Variants in MAML2 observed in about 807,000 individuals in gnomAD.
The protein encoded by MAML2 is mastermind-like protein 2.
MAML2 carries 22 observed loss-of-function variants against 96.1 expected under a neutral mutation model. That is an observed-to-expected ratio of 0.23 (90% confidence interval 0.16 to 0.33). MAML2 has a LOEUF of 0.33. MAML2 is among the 10% of genes least tolerant of loss of function. The probability of loss-of-function intolerance (pLI) is 1.00; values close to 1 mark genes in which losing one functional copy is unlikely to be tolerated. For missense variants in MAML2, 1,367 were observed against 1,392.4 expected (o/e 0.98, Z 0.29); for synonymous variants, 561 against 521.3 (o/e 1.08, Z -1.04).
intron 1 of MAML2, among the ~76,000 whole-genome samples, chr11:96,126,852 A>C (rs773398916): frequency 3.6e-4 from 55 of 152,346 alleles, no homozygotes; most frequent in Non-Finnish European, 6.9e-4. Flanking sequence ...GTGGTGAACA[A>C]CACAAAAAAA....
At position 96,341,609 on chromosome 11, in the gene MAML2, G is replaced by A. The variant is rs1476197668; in HGVS notation, c.287C>T (p.Thr96Ile). ...GGCTGTAGTGGTGGCAGCAGTGGCG[G>A]TGGCCTTGGTGTGTTTGCCAGCTTT... ...ARKAGKHTKA[T>I]ATAATTTAPP... The change falls in exon 1 of 5, where the codon ACC becomes ATC. Residue 96 changes from threonine (T) to isoleucine (I), a missense_variant. Coordinates refer to ENST00000524717, the MANE Select transcript of MAML2 (RefSeq NM_032427.4). 1.9e-6 allele frequency: 3 copies of A among 1,551,884 alleles called. No homozygotes were observed. Among genetic ancestry groups the A allele is most frequent in the Middle Eastern group, 1.7e-4 (1 of 5,944 alleles).
chr11:96,113,765 C>T (rs778354630), intron 1 of MAML2, among the ~76,000 whole-genome samples: 4 of 152,136 alleles, frequency 2.6e-5, no homozygotes, highest in Non-Finnish European at 4.4e-5. Flanking sequence ...CATCTCTTAA[C>T]TCCCTAAAGG....
intron 1 of MAML2, among the ~76,000 whole-genome samples, chr11:96,160,581 C>T (rs1252758346): frequency 6.6e-6 from 1 of 152,122 alleles, no homozygotes; most frequent in Non-Finnish European, 1.5e-5. Flanking sequence ...GCGCCTGCCA[C>T]TATGTCCAGC....
chr11:96,268,364 G>A (rs1862861071), intron 1 of MAML2, among the ~76,000 whole-genome samples: 1 of 152,158 alleles, frequency 6.6e-6, no homozygotes. Flanking sequence ...GTGTACTCCT[G>A]TAGTCCTAGC....
chr11:96,102,589 C>G (rs910353994), intron 1 of MAML2, among the ~76,000 whole-genome samples: 15 of 152,080 alleles, frequency 9.9e-5, no homozygotes, highest in African/African-American at 3.6e-4. Flanking sequence ...TGTTGTCCAG[C>G]AACAAGGGGA....
At chr11:96,285,152 C>G (rs897143169) in intron 1 of MAML2, among the ~76,000 whole-genome samples, 1 of 151,490 alleles carries the variant, frequency 6.6e-6, no homozygotes, top group African/African-American at 2.5e-5. Flanking sequence ...TGACATGACT[C>G]TCTTCTCTTA....
intron 1 of MAML2, among the ~76,000 whole-genome samples, chr11:96,306,004 T>C (rs184268167): frequency 6.6e-6 from 1 of 152,256 alleles, no homozygotes; most frequent in Non-Finnish European, 1.5e-5. Context: ...ATAAGAAACA[T>C]ACCTTTCTTC....
intron 1 of MAML2, among the ~76,000 whole-genome samples, chr11:96,121,950 C>CTTTTTTTTTTTTTTTTTTTTTT (rs71040130): frequency 5.3e-5 from 3 of 56,850 alleles, no homozygotes; most frequent in African/African-American, 8.0e-5. Context: ...CCACGCCCGG[C>CTTTTTTTTTTTTTTTTTTTTTT]TTTTTTTTTT....
intron 2 of MAML2, among the ~76,000 whole-genome samples, chr11:96,057,800 A>G (rs1859092440): frequency 6.6e-6 from 1 of 152,258 alleles, no homozygotes; most frequent in African/African-American, 2.4e-5. Context: ...CTTTGGAAAC[A>G]AAATATACCA....
At chr11:96,164,574 T>C (rs1333648878) in intron 1 of MAML2, among the ~76,000 whole-genome samples, 1 of 152,206 alleles carries the variant, frequency 6.6e-6, no homozygotes, top group African/African-American at 2.4e-5. Flanking sequence ...ATCTTCTTTT[T>C]AGAGTGATAC....
In MAML2 at chr11:96,240,557, C is replaced by CAACAAAAA. The variant is rs568304250; in HGVS notation, c.513+100825_513+100826insTTTTTGTT. The stretch of plus-strand genomic sequence containing the variant: ...TGGGCGACAGAGCGAGACTCCGTCT[C>CAACAAAAA]AAAAAAAAAAAAAAAAAAAAAAAAA... On this transcript the variant is annotated intron_variant, in intron 1 of 4. Coordinates refer to ENST00000524717, the MANE Select transcript of MAML2 (RefSeq NM_032427.4). Among the ~76,000 whole-genome samples, 49 of 51,094 alleles carry CAACAAAAA rather than the reference C, an allele frequency of 9.6e-4. 5 individuals are homozygous for CAACAAAAA. The highest frequency in any genetic ancestry group is 1.5e-3 in the Non-Finnish European group (40 of 26,112). The allele number at this position is 51,094 out of a possible 152,430, so 33.5% of individuals were successfully genotyped here.
intron 1 of MAML2, among the ~76,000 whole-genome samples, chr11:96,113,261 C>G (rs905750207): frequency 1.3e-5 from 2 of 151,578 alleles, no homozygotes; most frequent in Non-Finnish European, 2.9e-5. Flanking sequence ...CAAAAGGAAG[C>G]ATATTGTGCC....
rs188777500 is a variant in MAML2 at position 96,087,972 on chromosome 11, G to T, written c.2139+3920C>A. On this transcript the variant is annotated intron_variant, in intron 2 of 4. Coordinates refer to ENST00000524717, the MANE Select transcript of MAML2 (RefSeq NM_032427.4). ...TTAGAGGTATTGTCAGCATATGAAA[G>T]TTACATTGATTTCCCCACTGCCACC... Among the ~76,000 whole-genome samples the T allele has an allele frequency of 1.0e-3, 155 of 152,288 alleles. 1 individual carries two copies. The highest frequency in any genetic ancestry group is 2.7e-3 in the South Asian group (13 of 4,824).
chr11:96,252,198 A>C (rs1033040537), intron 1 of MAML2, among the ~76,000 whole-genome samples: 89 of 150,746 alleles, frequency 5.9e-4, no homozygotes, highest in Non-Finnish European at 8.6e-4. Context: ...CACACACCCC[A>C]CACACACACA....
At chr11:96,114,144 C>T (rs1860184720) in intron 1 of MAML2, among the ~76,000 whole-genome samples, 1 of 152,100 alleles carries the variant, frequency 6.6e-6, no homozygotes, top group African/African-American at 2.4e-5. Flanking sequence ...GTCTTGAACT[C>T]CTGACCTCAA....
At chr11:96,212,195 T>C (rs1861984359) in intron 1 of MAML2, among the ~76,000 whole-genome samples, 1 of 150,458 alleles carries the variant, frequency 6.6e-6, no homozygotes, top group African/African-American at 2.5e-5. Flanking sequence ...ATTTTTGAAG[T>C]ACCTGTGGGA....
At chr11:96,045,136 T>A (rs1383509321) in intron 2 of MAML2, among the ~76,000 whole-genome samples, 1 of 152,292 alleles carries the variant, frequency 6.6e-6, no homozygotes, top group South Asian at 2.1e-4. Context: ...AAGAGCAGCC[T>A]TTTTCTAATT....
intron 2 of MAML2, among the ~76,000 whole-genome samples, chr11:96,054,559 C>T (rs1023404196): frequency 6.6e-6 from 1 of 152,040 alleles, no homozygotes; most frequent in Middle Eastern, 3.4e-3. Context: ...TAAGTAGGAC[C>T]AATTCTATTT....
intron 1 of MAML2, among the ~76,000 whole-genome samples, chr11:96,222,385 C>A (rs1565253625): frequency 6.6e-6 from 1 of 152,206 alleles, no homozygotes; most frequent in Non-Finnish European, 1.5e-5. Flanking sequence ...AGTGCAGACA[C>A]CTCTCCATAT....
Sources: gnomAD v4.1 joint callset for allele counts (sites outside exome capture counted in the v4.1 genomes callset) on GRCh38, gnomAD v4.1.1 for gene constraint, MANE v1.5 for transcripts, NCBI Gene and HGNC (gene_info 2026-07-23, HGNC 2026-07-21) for gene names.